TYW1: variants seen among roughly 807,000 people sequenced by gnomAD.
TYW1 encodes the protein S-adenosyl-L-methionine-dependent tRNA 4-demethylwyosine synthase TYW1.
In TYW1, 46 loss-of-function variants were observed where a neutral mutation model predicts 96.2. That is an observed-to-expected ratio of 0.48 (90% confidence interval 0.38 to 0.61). The LOEUF (loss-of-function observed/expected upper bound fraction) is 0.61. Ranked by LOEUF, TYW1 falls within the 20% of genes least tolerant of loss-of-function variation. The pLI, the probability that TYW1 is intolerant of heterozygous loss-of-function variation, is 0.00. For synonymous variants in TYW1, 274 were observed against 323.0 expected (o/e 0.85, Z 1.63); for missense variants, 684 against 909.6 (o/e 0.75, Z 3.19).
intron 13 of TYW1, among the ~76,000 whole-genome samples, chr7:67,150,885 G>A (rs1345194711): frequency 6.6e-6 from 1 of 151,558 alleles, no homozygotes; most frequent in African/African-American, 2.4e-5. Context: ...AAAACCTGTG[G>A]GTAAATTTTA....
Position 67,185,510 on chromosome 7 carries a change from A to C in TYW1, c.1809+2274A>C, listed in dbSNP as rs879262634. Among the ~76,000 whole-genome samples, 7 of 152,376 alleles carry C rather than the reference A, an allele frequency of 4.6e-5. No homozygotes were observed. The East Asian group carries it at 9.7e-4, about 21-fold the overall frequency. On this transcript the variant is annotated intron_variant, in intron 14 of 15. Transcript: ENST00000359626. ...TGCTAGATTATAGGTACGGGCTGAAAGAAAAAAGAATCAAGAATAGCACCT... is the reference window on the plus strand; with the variant it reads ...TGCTAGATTATAGGTACGGGCTGAACGAAAAAAGAATCAAGAATAGCACCT...
chr7:67,189,376 ATG>A (rs1800132047), intron 14 of TYW1, among the ~76,000 whole-genome samples: 2 of 148,344 alleles, frequency 1.3e-5, no homozygotes, highest in East Asian at 2.0e-4. Flanking sequence ...GTGTGCATGT[ATG>A]TGTGTTCATG....
At chr7:67,038,501 G>A (rs1794907839) in intron 7 of TYW1, among the ~76,000 whole-genome samples, 1 of 152,092 alleles carries the variant, frequency 6.6e-6, no homozygotes, top group African/African-American at 2.4e-5. Flanking sequence ...AGCTACTTGG[G>A]AGGCTGAGGT....
intron 15 of TYW1, among the ~76,000 whole-genome samples, chr7:67,219,518 G>A (rs1434742877): frequency 3.3e-5 from 5 of 152,118 alleles, no homozygotes; most frequent in Non-Finnish European, 7.4e-5. Flanking sequence ...CAGGTCCAGG[G>A]CTATTCTTCG....
chr7:67,130,664 C>CAA (rs111869101), intron 13 of TYW1, among the ~76,000 whole-genome samples: 33 of 137,882 alleles, frequency 2.4e-4, no homozygotes, highest in East Asian at 2.1e-3. Context: ...ACTCTTAACT[C>CAA]AAAAAAAAAA....
chr7:67,035,988 T>C (rs1794830706), intron 7 of TYW1, among the ~76,000 whole-genome samples: 1 of 150,454 alleles, frequency 6.6e-6, no homozygotes, highest in South Asian at 2.1e-4. Flanking sequence ...GTTCTATTGT[T>C]CTTAAGTCCA....
intron 12 of TYW1, among the ~76,000 whole-genome samples, chr7:67,102,488 G>A (rs182494845): frequency 1.3e-5 from 2 of 152,270 alleles, no homozygotes; most frequent in South Asian, 2.1e-4. Context: ...ACTGGGAAAT[G>A]AGGAGGGAGA....
chr7:67,213,120 T>A (rs1404762779), intron 15 of TYW1, among the ~76,000 whole-genome samples: 1 of 151,730 alleles, frequency 6.6e-6, no homozygotes, highest in Non-Finnish European at 1.5e-5. Context: ...TGATTCGCCC[T>A]CCTCAGCCTC....
intron 4 of TYW1, 79 bp from the exon 5 acceptor site, chr7:67,014,288 G>A: frequency 1.3e-6 from 2 of 1,507,526 alleles, no homozygotes; most frequent in Non-Finnish European, 1.8e-6. Context: ...AGATGAGTAT[G>A]CTTTTTTTCA....
chr7:67,224,268 C>G (rs1432906009), intron 15 of TYW1, among the ~76,000 whole-genome samples: 2 of 152,244 alleles, frequency 1.3e-5, no homozygotes, highest in African/African-American at 4.8e-5. Context: ...GCCGAGATTA[C>G]AGGTGTACAC....
intron 7 of TYW1, among the ~76,000 whole-genome samples, chr7:67,025,929 A>G (rs1011583766): frequency 6.6e-5 from 10 of 152,096 alleles, no homozygotes; most frequent in Non-Finnish European, 1.5e-4. Context: ...ATTCAAATGA[A>G]CTCAGTAAGG....
At chr7:67,074,396 G>A (rs142318863) in intron 10 of TYW1, among the ~76,000 whole-genome samples, 4,693 of 152,174 alleles carry the variant, frequency 0.031, 215 homozygotes, top group African/African-American at 0.11. Flanking sequence ...AATGGGTAGT[G>A]CTCCTTAATC....
chr7:67,210,773 T>TCCATCCATCCATCCATCCATCCATCCAC (rs1800982414), intron 15 of TYW1, among the ~76,000 whole-genome samples: 1 of 151,140 alleles, frequency 6.6e-6, no homozygotes, highest in Non-Finnish European at 1.5e-5. Flanking sequence ...CGTCCATCCA[T>TCCATCCATCCATCCATCCATCCATCCAC]CCATCCATCC....
At chr7:67,186,638 C>T (rs1436236941) in intron 14 of TYW1, among the ~76,000 whole-genome samples, 2 of 151,728 alleles carry the variant, frequency 1.3e-5, no homozygotes, top group East Asian at 1.9e-4. Flanking sequence ...AGACGCACAC[C>T]ACCACACCTG....
At chr7:67,105,171 G>C (rs36016790) in intron 12 of TYW1, among the ~76,000 whole-genome samples, 1 of 152,248 alleles carries the variant, frequency 6.6e-6, no homozygotes, top group Non-Finnish European at 1.5e-5. Flanking sequence ...CTAGTCACAC[G>C]GTGGAGCTTC....
rs572022080 is a variant in TYW1, at chr7:67,089,144, G to A, written c.1384+5605G>A. 59 of 441,164 alleles carry A rather than the reference G, an allele frequency of 1.3e-4. No homozygotes were observed. The South Asian group carries it at 2.3e-3, about 17-fold the overall frequency. The allele number at this position is 441,164 out of a possible 1,614,324, so 27.3% of individuals were successfully genotyped here. ...AGGGACAGGGGACCAGGGGAAGGGG[G>A]AGGAGGGGAAGTGAGGCCCCAGCCC... On this transcript the variant is annotated intron_variant, in intron 11 of 15. Coordinates refer to ENST00000359626, the MANE Select transcript of TYW1 (RefSeq NM_018264.4).
At chr7:67,042,548 A>G (rs1795061506) in intron 7 of TYW1, among the ~76,000 whole-genome samples, 1 of 152,124 alleles carries the variant, frequency 6.6e-6, no homozygotes, top group African/African-American at 2.4e-5. Flanking sequence ...TGTGACATAG[A>G]GAAGGAAGAT....
chr7:67,207,972 C>T (rs1309621870), intron 15 of TYW1, among the ~76,000 whole-genome samples: 3 of 152,094 alleles, frequency 2.0e-5, no homozygotes, highest in African/African-American at 4.8e-5. Context: ...CCACCTGCCT[C>T]GGCCTCACAA....
intron 7 of TYW1, among the ~76,000 whole-genome samples, chr7:67,047,401 C>T (rs911680261): frequency 1.3e-5 from 2 of 152,134 alleles, no homozygotes; most frequent in Non-Finnish European, 2.9e-5. Flanking sequence ...CTATTTTAAA[C>T]TATCTTAATA....
Sources: allele counts gnomAD v4.1 joint callset (sites outside exome capture counted in the v4.1 genomes callset), GRCh38; gene constraint gnomAD v4.1.1; transcripts MANE v1.5; gene names NCBI Gene and HGNC (gene_info 2026-07-23, HGNC 2026-07-21).